The following ZNF292 variants were observed in gnomAD, a reference collection of about 807,000 sequenced individuals.
ZNF292 encodes zinc finger protein 292.
ZNF292 carries 26 observed loss-of-function variants against 217.9 expected under a neutral mutation model. The observed-to-expected ratio is 0.12, with a 90% confidence interval of 0.09 to 0.17. The LOEUF (loss-of-function observed/expected upper bound fraction) is 0.17. ZNF292 is among the 10% of genes least tolerant of loss of function. The pLI is 1.00. For missense variants in ZNF292, 2,904 were observed against 3,175.2 expected (o/e 0.91, Z 2.05); for synonymous variants, 1,257 against 1,124.1 (o/e 1.12, Z -2.37).
chr6:87,166,073 A>G (rs1770903042), intron 1 of ZNF292, among the ~76,000 whole-genome samples: 1 of 152,168 alleles, frequency 6.6e-6, no homozygotes, highest in African/African-American at 2.4e-5. Context: ...TACATTTCTT[A>G]AAGTGAATGC....
Position 87,260,913 on chromosome 6 carries a change from A to G in ZNF292, c.7284A>G (p.Lys2428=). ...SQHRNLLIVF[K]RCCNSQVKET... ...ACCGAAATCTTCTTATTGTATTCAAACGGTGTTGCAACTCACAAGTAAAGG... is the reference window on the plus strand; with the variant it reads ...ACCGAAATCTTCTTATTGTATTCAAGCGGTGTTGCAACTCACAAGTAAAGG... The change falls in exon 8 of 8, where the codon AAA becomes AAG. Residue 2428 remains lysine, a synonymous_variant. Transcript: ENST00000369577. The G allele has an allele frequency of 6.2e-7, 1 of 1,610,976 alleles. No individual in the cohort carries two copies. Among genetic ancestry groups the G allele is most frequent in the South Asian group, 1.1e-5 (1 of 90,604 alleles).
At chr6:87,234,157 C>T (rs1331475405) in intron 5 of ZNF292, among the ~76,000 whole-genome samples, 1 of 152,100 alleles carries the variant, frequency 6.6e-6, no homozygotes, top group Non-Finnish European at 1.5e-5. Context: ...TGCAATTTTG[C>T]ATTTTGAGGG....
In ZNF292 at chr6:87,260,337, T is replaced by C; in HGVS notation, c.6708T>C (p.His2236=). ...SFTTYLNYVV[H]LEADHGIGLR... is the part of the protein sequence containing the mutation. Reference sequence around the variant, plus strand: ...CTACATATTTGAACTATGTTGTTCATCTAGAGGCAGACCACGGGATTGGAC... The same window carrying C: ...CTACATATTTGAACTATGTTGTTCACCTAGAGGCAGACCACGGGATTGGAC... Residue 2236 remains histidine, a synonymous_variant, in exon 8 of 8, where the codon CAT becomes CAC. Transcript: ENST00000369577. 6.2e-7 allele frequency: 1 copy of C among 1,613,424 alleles called. No homozygotes were observed. The highest frequency in any genetic ancestry group is 8.5e-7 in the Non-Finnish European group (1 of 1,179,528).
At chr6:87,174,693 C>A (rs1771224972) in intron 1 of ZNF292, among the ~76,000 whole-genome samples, 1 of 152,054 alleles carries the variant, frequency 6.6e-6, no homozygotes, top group South Asian at 2.1e-4. Context: ...ACTTACGCTG[C>A]TTATTCTTGT....
intron 1 of ZNF292, among the ~76,000 whole-genome samples, chr6:87,202,736 C>T (rs555632791): frequency 6.6e-6 from 1 of 151,850 alleles, no homozygotes; most frequent in Non-Finnish European, 1.5e-5. Flanking sequence ...ACAATATTTC[C>T]CCTTCCCCCC....
At position 87,256,047 on chromosome 6, in the gene ZNF292, G is replaced by C. The variant is rs553975698; in HGVS notation, c.2418G>C (p.Thr806=). The C allele has an allele frequency of 1.2e-6, 2 of 1,609,356 alleles. No homozygotes were observed. Among genetic ancestry groups the C allele is most frequent in the African/African-American group, 1.3e-5 (1 of 74,846 alleles). Reference sequence around the variant, plus strand: ...ATCATGAAGCACAACATTATAATACGTACACTTGTAAGTTCACAGGTTGTG... The same window carrying C: ...ATCATGAAGCACAACATTATAATACCTACACTTGTAAGTTCACAGGTTGTG... ...LYDHEAQHYN[T]YTCKFTGCGK... Residue 806 remains threonine, a synonymous_variant, in exon 8 of 8, where the codon ACG becomes ACC. Coordinates refer to ENST00000369577, the MANE Select transcript of ZNF292 (RefSeq NM_015021.3).
chr6:87,158,295 G>T (rs1488602426), intron 1 of ZNF292, among the ~76,000 whole-genome samples: 1 of 152,172 alleles, frequency 6.6e-6, no homozygotes, highest in African/African-American at 2.4e-5. Flanking sequence ...ATTTTCTGGG[G>T]TGGGGTTTTT....
chr6:87,156,113 A>G (rs1770525999), intron 1 of ZNF292, among the ~76,000 whole-genome samples: 1 of 151,924 alleles, frequency 6.6e-6, no homozygotes, highest in South Asian at 2.1e-4. Flanking sequence ...TCCTCCTTTT[A>G]TTGTGCACTG....
chr6:87,174,118 T>G (rs771763814), intron 1 of ZNF292: 1 of 157,238 alleles, frequency 6.4e-6, no homozygotes, highest in Non-Finnish European at 1.4e-5. Flanking sequence ...ACATTAAGCT[T>G]CTCTGCAATG....
intron 5 of ZNF292, 24 bp downstream of exon 5, chr6:87,233,551 T>A (rs1016673659): frequency 1.3e-6 from 2 of 1,574,164 alleles, no homozygotes; most frequent in Admixed American, 3.7e-5. Context: ...CTTTCATTAG[T>A]AATTATTTTT....
intron 3 of ZNF292, among the ~76,000 whole-genome samples, chr6:87,217,745 G>A (rs1040576367): frequency 1.3e-5 from 2 of 152,078 alleles, no homozygotes; most frequent in African/African-American, 4.8e-5. Context: ...AACTTTGTTG[G>A]AATGGGAATA....
intron 1 of ZNF292, among the ~76,000 whole-genome samples, chr6:87,185,249 C>T (rs1022670164): frequency 6.6e-6 from 1 of 152,086 alleles, no homozygotes; most frequent in Non-Finnish European, 1.5e-5. Context: ...TTGTACAACC[C>T]AAAAATGTGC....
intron 1 of ZNF292, among the ~76,000 whole-genome samples, chr6:87,183,443 G>C (rs1001972136): frequency 2.6e-5 from 4 of 152,056 alleles, no homozygotes; most frequent in African/African-American, 9.7e-5. Flanking sequence ...TTCAGTTGGG[G>C]TTGAATCATA....
rs1775778187 is a variant in ZNF292 at position 87,265,459 on chromosome 6, G to T, written c.*3658G>T. ...TGGTCTTGAACTCCTGACCTCAGGT[G>T]ATCACCCACCTCCACCTCCCAAAGT... On this transcript the variant is annotated 3_prime_UTR_variant, in exon 8 of 8. Coordinates refer to ENST00000369577, the MANE Select transcript of ZNF292 (RefSeq NM_015021.3). 6.6e-6 allele frequency among the ~76,000 whole-genome samples: 1 copy of T among 152,036 alleles called. No homozygotes were observed. Among genetic ancestry groups the T allele is most frequent in the Non-Finnish European group, 1.5e-5 (1 of 67,998 alleles).
intron 7 of ZNF292, among the ~76,000 whole-genome samples, chr6:87,251,493 G>A (rs990938993): frequency 2.6e-5 from 4 of 152,152 alleles, no homozygotes; most frequent in Admixed American, 6.5e-5. Flanking sequence ...ACCTGGTGCT[G>A]TTCTTTTCCT....
chr6:87,261,703 G>C lies in ZNF292; in HGVS notation c.8074G>C (p.Val2692Leu). The C allele has an allele frequency of 6.2e-7, 1 of 1,612,970 alleles. No individual in the cohort carries two copies. Among genetic ancestry groups the C allele is most frequent in the Non-Finnish European group, 8.5e-7 (1 of 1,179,352 alleles). The change falls in exon 8 of 8, where the codon GTC (valine) becomes CTC (leucine). Residue 2692 changes from valine (V) to leucine (L), a missense_variant. Val to Leu is a conservative substitution (Grantham distance 32). Transcript: ENST00000369577. ...LKQLQEMKPTVSLKKLEVHSN... is the reference protein window; with the variant it reads ...LKQLQEMKPTLSLKKLEVHSN... ...GCAACTTCAGGAAATGAAACCTACC[G>C]TCAGTCTGAAAAAACTTGAAGTACA...
intron 5 of ZNF292, among the ~76,000 whole-genome samples, chr6:87,234,820 A>T (rs951201342): frequency 1.3e-5 from 2 of 152,168 alleles, no homozygotes; most frequent in South Asian, 4.1e-4. Flanking sequence ...GAATAGCCTC[A>T]TACAGAAAGC....
At chr6:87,202,031 C>T (rs1772111739) in intron 1 of ZNF292, among the ~76,000 whole-genome samples, 1 of 152,192 alleles carries the variant, frequency 6.6e-6, no homozygotes, top group African/African-American at 2.4e-5. Context: ...AATTCAAAAA[C>T]CTGGCTCTTC....
chr6:87,205,672 G>C (rs1372321139), intron 1 of ZNF292, among the ~76,000 whole-genome samples: 1 of 151,800 alleles, frequency 6.6e-6, no homozygotes, highest in East Asian at 1.9e-4. Flanking sequence ...CAATACTGTT[G>C]ATTTGTGCCT....
Sources: gnomAD v4.1 joint callset for allele counts (sites outside exome capture counted in the v4.1 genomes callset) on GRCh38, gnomAD v4.1.1 for gene constraint, MANE v1.5 for transcripts, NCBI Gene and HGNC (gene_info 2026-07-23, HGNC 2026-07-21) for gene names.